Variants in RXYLT1 observed in about 807,000 individuals in gnomAD.
RXYLT1 encodes ribitol-5-phosphate xylosyltransferase 1.
RXYLT1 carries 41 observed loss-of-function variants against 43.5 expected under a neutral mutation model. The observed-to-expected ratio is 0.94, with a 90% CI of 0.73 to 1.22. The LOEUF (loss-of-function observed/expected upper bound fraction) is 1.22, where lower values mean the gene tolerates loss of function less well. Among genes scored for constraint, RXYLT1 ranks in the 50% most tolerant of loss-of-function variants. The probability of loss-of-function intolerance (pLI) is 0.00; values close to 1 mark genes in which losing one functional copy is unlikely to be tolerated. For missense variants in RXYLT1, 514 were observed against 532.0 expected (o/e 0.97, Z 0.33); for synonymous variants, 166 against 194.4 (o/e 0.85, Z 1.21).
intron 3 of RXYLT1, among the ~76,000 whole-genome samples, chr12:63,787,446 CT>C (rs1281050451): frequency 1.3e-5 from 2 of 152,190 alleles, no homozygotes; most frequent in African/African-American, 2.4e-5. Context: ...TTTAAATCAG[CT>C]TCTTCCAAAT....
chr12:63,801,921 G>T (rs946763269), intron 3 of RXYLT1, among the ~76,000 whole-genome samples, 170 bp from the exon 4 acceptor site: 23 of 152,116 alleles, frequency 1.5e-4, no homozygotes, highest in Non-Finnish European at 5.9e-5. Context: ...CTACAGCTAT[G>T]CCCCATCATT....
Position 63,809,500 on chromosome 12 carries a change from T to G in RXYLT1, c.*408T>G, listed in dbSNP as rs74909905. 6.4e-3 allele frequency: 1,008 copies of G among 157,306 alleles called. 13 individuals are homozygous for G. The highest frequency in any genetic ancestry group is 0.022 in the African/African-American group (915 of 41,598). The allele number at this position is 157,306 out of a possible 1,614,324, so 9.7% of individuals were successfully genotyped here. A position where few individuals can be genotyped will look rare whatever the true frequency, so the allele number is the denominator to read the frequency against. On this transcript the variant is annotated 3_prime_UTR_variant, in exon 6 of 6. Transcript: ENST00000261234. Reference sequence around the variant, plus strand: ...TTATGTATTTACTATACTATACTTTTTACAATTTGTATTAGTTCTTGCATT... The same window carrying G: ...TTATGTATTTACTATACTATACTTTGTACAATTTGTATTAGTTCTTGCATT...
At chr12:63,799,302 C>CTTTTTTTTTTTTTTTTTTT (rs11312130) in intron 3 of RXYLT1, among the ~76,000 whole-genome samples, 28 of 71,566 alleles carry the variant, frequency 3.9e-4, no homozygotes, top group South Asian at 5.4e-4. Context: ...CTTTTCTTTT[C>CTTTTTTTTTTTTTTTTTTT]TTTTTTTTTT....
At chr12:63,786,236 G>A (rs1403862664) in intron 3 of RXYLT1, among the ~76,000 whole-genome samples, 1 of 152,072 alleles carries the variant, frequency 6.6e-6, no homozygotes, top group East Asian at 1.9e-4. Flanking sequence ...CATCTTTAAG[G>A]TTAAAATTAT....
chr12:63,783,218 T>C (rs1015102536), intron 2 of RXYLT1, among the ~76,000 whole-genome samples: 1 of 152,212 alleles, frequency 6.6e-6, no homozygotes, highest in Admixed American at 6.5e-5. Flanking sequence ...CCCAGCACTT[T>C]GGGAGGCTGA....
At chr12:63,790,133 T>C (rs1216300271) in intron 3 of RXYLT1, among the ~76,000 whole-genome samples, 1 of 152,152 alleles carries the variant, frequency 6.6e-6, no homozygotes, top group East Asian at 1.9e-4. Context: ...AATTCCAGCA[T>C]ACCAAATAAA....
At chr12:63,784,913 A>G (rs1897766202) in intron 2 of RXYLT1, 57 bp from the exon 3 acceptor site, 13 of 1,452,896 alleles carry the variant, frequency 8.9e-6, no homozygotes, top group African/African-American at 1.4e-5. Context: ...TGTCTCATGC[A>G]CTAAAGTAGA....
chr12:63,800,973 A>G (rs1241259224), intron 3 of RXYLT1, among the ~76,000 whole-genome samples: 2 of 151,976 alleles, frequency 1.3e-5, no homozygotes, highest in Non-Finnish European at 2.9e-5. Context: ...ACCATTCAAA[A>G]CTAACAAATT....
rs932706141 is a variant in RXYLT1, at chr12:63,809,097, C to G, written c.*5C>G. On this transcript the variant is annotated 3_prime_UTR_variant, in exon 6 of 6. Transcript: ENST00000261234. Reference sequence around the variant, plus strand: ...TTAATGAATAATAAAAGTTAATTATCTTTTTGAGCTAACATGTGATTTTTA... The same window carrying G: ...TTAATGAATAATAAAAGTTAATTATGTTTTTGAGCTAACATGTGATTTTTA... 5.4e-6 allele frequency: 8 copies of G among 1,483,886 alleles called. No individual in the cohort carries two copies. The highest frequency in any genetic ancestry group is 7.3e-6 in the Non-Finnish European group (8 of 1,100,356). The allele number at this position is 1,483,886 out of a possible 1,614,324, so 91.9% of individuals were successfully genotyped here. A position where few individuals can be genotyped will look rare whatever the true frequency, so the allele number is the denominator to read the frequency against.
At chr12:63,804,952 G>T in intron 4 of RXYLT1, 1 of 281,882 alleles carries the variant, frequency 3.5e-6, no homozygotes, top group Non-Finnish European at 6.5e-6. Flanking sequence ...ATGCCTAACA[G>T]CTGCAGATGA....
At chr12:63,793,923 TA>T (rs2136226781) in intron 3 of RXYLT1, among the ~76,000 whole-genome samples, 1 of 152,326 alleles carries the variant, frequency 6.6e-6, no homozygotes, top group East Asian at 1.9e-4. Flanking sequence ...AACAACTTCT[TA>T]CAATACTGAA....
chr12:63,782,810 G>A, intron 2 of RXYLT1: 1 of 209,396 alleles, frequency 4.8e-6, no homozygotes, highest in African/African-American at 2.3e-5. Context: ...CCACATCCTT[G>A]GTCTTGTTTC....
intron 3 of RXYLT1, among the ~76,000 whole-genome samples, chr12:63,786,700 TTAAAA>T (rs942501712): frequency 9.8e-5 from 15 of 152,330 alleles, no homozygotes; most frequent in African/African-American, 3.6e-4. Flanking sequence ...TGACAATTTC[TTAAAA>T]TAAGACAACA....
At chr12:63,794,705 C>T (rs1897990247) in intron 3 of RXYLT1, among the ~76,000 whole-genome samples, 1 of 152,070 alleles carries the variant, frequency 6.6e-6, no homozygotes, top group African/African-American at 2.4e-5. Flanking sequence ...ATAATCCCAG[C>T]ACTTTGGGAG....
intron 3 of RXYLT1, among the ~76,000 whole-genome samples, chr12:63,791,236 A>G (rs1180068350): frequency 2.0e-5 from 3 of 152,210 alleles, no homozygotes; most frequent in Non-Finnish European, 4.4e-5. Flanking sequence ...ATTTCTTAAG[A>G]GGAACCTTGA....
intron 4 of RXYLT1, chr12:63,804,432 G>A (rs1898236878): frequency 6.6e-6 from 1 of 152,076 alleles, no homozygotes; most frequent in Non-Finnish European, 1.5e-5. Flanking sequence ...TTTCCTGTAT[G>A]GCATACCATG....
intron 3 of RXYLT1, 77 bp from the exon 4 acceptor site, chr12:63,802,014 A>G (rs1372857091): frequency 6.8e-6 from 9 of 1,327,534 alleles, no homozygotes; most frequent in Non-Finnish European, 9.2e-6. Context: ...TTTTGTATAA[A>G]ATGATGAATT....
chr12:63,785,601 CT>C (rs1897783867), intron 3 of RXYLT1, among the ~76,000 whole-genome samples: 1 of 151,380 alleles, frequency 6.6e-6, no homozygotes, highest in African/African-American at 2.4e-5. Flanking sequence ...CTTTTTTGGC[CT>C]TTTTATATAA....
chr12:63,791,923 A>G (rs1229474742), intron 3 of RXYLT1, among the ~76,000 whole-genome samples: 1 of 152,248 alleles, frequency 6.6e-6, no homozygotes, highest in Non-Finnish European at 1.5e-5. Context: ...TCTAACATTT[A>G]CATAGCTCTT....
Sources: allele counts gnomAD v4.1 joint callset (sites outside exome capture counted in the v4.1 genomes callset), GRCh38; gene constraint gnomAD v4.1.1; transcripts MANE v1.5; gene names NCBI Gene and HGNC (gene_info 2026-07-23, HGNC 2026-07-21).